Variants in IL17RE observed in about 807,000 individuals in gnomAD.
IL17RE encodes the protein interleukin 17 receptor E.
IL17RE carries 47 observed loss-of-function variants against 70.7 expected under a neutral mutation model. The observed-to-expected ratio is 0.67, with a 90% CI of 0.53 to 0.85. The LOEUF (loss-of-function observed/expected upper bound fraction) is 0.85. Among genes scored for constraint, IL17RE ranks in the 40% least tolerant of loss-of-function variants. The pLI is 0.00. For missense variants in IL17RE, 850 were observed against 893.9 expected (o/e 0.95, Z 0.63); for synonymous variants, 372 against 381.2 (o/e 0.98, Z 0.28).
In IL17RE at chr3:9,904,141, A is replaced by T. The variant is rs768443197; in HGVS notation, c.258A>T (p.Ser86=). 1 of 1,614,134 alleles carries T rather than the reference A, an allele frequency of 6.2e-7. No homozygotes were observed. Among genetic ancestry groups the T allele is most frequent in the South Asian group, 1.1e-5 (1 of 91,076 alleles). The change falls in exon 3 of 16, where the codon TCA becomes TCT. Residue 86 remains serine (S), a synonymous_variant. Transcript: ENST00000383814. ...GCTGTTTGTGCCAGCATCTGCTGTCAGGTGGCTCAGGTATGAGAAACAGCC... is the reference window on the plus strand; with the variant it reads ...GCTGTTTGTGCCAGCATCTGCTGTCTGGTGGCTCAGGTATGAGAAACAGCC... ...CSRCLCQHLL[S]GGSGLQRGLF... is the part of the protein sequence containing the mutation.
At chr3:9,903,843 A>G (rs1431648681) in intron 2 of IL17RE, among the ~76,000 whole-genome samples, 189 bp from the exon 3 acceptor site, 1 of 152,174 alleles carries the variant, frequency 6.6e-6, no homozygotes, top group Non-Finnish European at 1.5e-5. Context: ...ACATTTTCCC[A>G]TACACTACAA....
chr3:9,914,377 C>G, intron 13 of IL17RE, 171 bp from the exon 14 acceptor site: 2 of 1,478,608 alleles, frequency 1.4e-6, no homozygotes, highest in Non-Finnish European at 1.8e-6. Context: ...CTTGAGTTTG[C>G]CACCATTGAC....
chr3:9,915,601 A>G lies in IL17RE; in HGVS notation c.1798A>G (p.Lys600Glu). 2 of 1,423,146 alleles carry G rather than the reference A, an allele frequency of 1.4e-6. No homozygotes were observed. The highest frequency in any genetic ancestry group is 1.8e-6 in the Non-Finnish European group (2 of 1,091,360). 88.2% of individuals were successfully genotyped at this position (1,423,146 alleles called of 1,614,324 possible). Residue 600 changes from lysine (K) to glutamate (E), a missense_variant, in exon 16 of 16, where the codon AAG (lysine) becomes GAG (glutamate). Transcript: ENST00000383814. This position sits in a 1 kb window ranked among gnomAD's most constrained non-coding sequence, Gnocchi z 4.9. ...LLAYFSRLCA[K>E]GDIPPPLRAL... ...CGCTTACTTCAGTCGCCTCTGCGCC[A>G]AGGGCGACATCCCCCCGCCGCTGCG...
rs771769398 is a variant in IL17RE, at chr3:9,915,371, T to G, written c.1568T>G (p.Ile523Ser). The change falls in exon 16 of 16, where the codon ATC (isoleucine) becomes AGC (serine). Residue 523 changes from isoleucine to serine, a missense_variant. Transcript: ENST00000383814. The surrounding 1 kb of genome is among the most constrained non-coding windows in gnomAD (Gnocchi z 4.9). ...RAALGGGRDV[I>S]VDLWEGRHVA... ...GCGCTGGGCGGCGGGCGCGACGTGATCGTGGACCTGTGGGAGGGGAGGCAC... is the reference window on the plus strand; with the variant it reads ...GCGCTGGGCGGCGGGCGCGACGTGAGCGTGGACCTGTGGGAGGGGAGGCAC... The G allele has an allele frequency of 2.2e-6, 3 of 1,366,526 alleles. No individual in the cohort carries two copies. Among genetic ancestry groups the G allele is most frequent in the Non-Finnish European group, 9.3e-7 (1 of 1,069,668 alleles). 84.7% of individuals were successfully genotyped at this position (1,366,526 alleles called of 1,614,324 possible). A position where few individuals can be genotyped will look rare whatever the true frequency, so the allele number is the denominator to read the frequency against.
chr3:9,911,262 T>A lies in IL17RE; in HGVS notation c.1034T>A (p.Phe345Tyr). ...CATTCCTGTATTTCTCAGTTCTCTTTTGGAAACAGCAGCCATGTTGAATGC... is the reference window on the plus strand; with the variant it reads ...CATTCCTGTATTTCTCAGTTCTCTTATGGAAACAGCAGCCATGTTGAATGC... ...LHPQLCFKFSFGNSSHVECPH... is the reference protein window; with the variant it reads ...LHPQLCFKFSYGNSSHVECPH... The change falls in exon 11 of 16, where the codon TTT becomes TAT. Residue 345 changes from phenylalanine to tyrosine, a missense_variant. Transcript: ENST00000383814. 1 of 1,614,200 alleles carries A rather than the reference T, an allele frequency of 6.2e-7. No homozygotes were observed. Among genetic ancestry groups the A allele is most frequent in the South Asian group, 1.1e-5 (1 of 91,088 alleles).
chr3:9,907,645 A>T (rs894010994), intron 6 of IL17RE, among the ~76,000 whole-genome samples: 7 of 152,176 alleles, frequency 4.6e-5, no homozygotes, highest in Non-Finnish European at 1.0e-4. Flanking sequence ...TTAATTAAAA[A>T]TTTAAAAAGC....
chr3:9,903,774 C>T (rs75035518), intron 2 of IL17RE, among the ~76,000 whole-genome samples: 3,400 of 152,324 alleles, frequency 0.022, 53 homozygotes, highest in Non-Finnish European at 0.035. Context: ...TGATCCCTCA[C>T]TTCTATCAGT....
intron 4 of IL17RE, 35 bp downstream of exon 4, chr3:9,906,496 C>A: frequency 6.7e-7 from 1 of 1,492,674 alleles, no homozygotes; most frequent in East Asian, 2.3e-5. Flanking sequence ...CTACCTGACG[C>A]CCCACAGACC....
upstream of IL17RE, chr3:9,902,818 C>A: frequency 6.3e-7 from 1 of 1,584,084 alleles, no homozygotes; most frequent in Non-Finnish European, 8.6e-7. Context: ...GGGGCCAGGG[C>A]AGGCTGGGGC....
rs1453328953 is a variant in IL17RE at position 9,915,355 on chromosome 3, G to A, written c.1552G>A (p.Gly518Ser). 2 of 1,369,000 alleles carry A rather than the reference G, an allele frequency of 1.5e-6. No homozygotes were observed. Among genetic ancestry groups the A allele is most frequent in the Non-Finnish European group, 1.9e-6 (2 of 1,070,328 alleles). 84.8% of individuals were successfully genotyped at this position (1,369,000 alleles called of 1,614,324 possible). The change falls in exon 16 of 16, where the codon GGC becomes AGC. Residue 518 changes from glycine to serine, a missense_variant. Gly to Ser is a moderately conservative substitution (Grantham distance 56, BLOSUM62 0). Coordinates refer to ENST00000383814, the MANE Select transcript of IL17RE (RefSeq NM_153480.2). This position sits in a 1 kb window ranked among gnomAD's most constrained non-coding sequence, Gnocchi z 4.9. ...LAELLRAALG[G>S]GRDVIVDLWE... ...TGAACTGCTACGGGCAGCGCTGGGC[G>A]GCGGGCGCGACGTGATCGTGGACCT...
intron 7 of IL17RE, among the ~76,000 whole-genome samples, chr3:9,908,746 T>A (rs1260798995): frequency 2.0e-5 from 3 of 152,200 alleles, no homozygotes; most frequent in African/African-American, 7.2e-5. Context: ...CAGAAAGTTT[T>A]CTTTGGACTA....
At chr3:9,905,050 GCGC>G (rs1378600131) in intron 3 of IL17RE, among the ~76,000 whole-genome samples, 9 of 131,494 alleles carry the variant, frequency 6.8e-5, no homozygotes, top group Non-Finnish European at 1.4e-4. Context: ...AGTTAAGATA[GCGC>G]CACTGCACTC....
At chr3:9,903,244 A>AC in intron 1 of IL17RE, 153 bp from the exon 2 acceptor site, 1 of 1,009,394 alleles carries the variant, frequency 9.9e-7, no homozygotes, top group Non-Finnish European at 1.5e-6. Flanking sequence ...GACAGGGTGG[A>AC]GCTGGGAAGA....
Position 9,907,066 on chromosome 3 carries a change from A to T in IL17RE, c.632A>T (p.Glu211Val). The change falls in exon 6 of 16, where the codon GAG becomes GTG. Residue 211 changes from glutamate (E) to valine (V), a missense_variant. Glu to Val is a moderately radical substitution (Grantham distance 121). Coordinates refer to ENST00000383814, the MANE Select transcript of IL17RE (RefSeq NM_153480.2). ...SVRLCHQWAL[E>V]CEELSSPYDV... is the part of the protein sequence containing the mutation. ...CGTCTTTGTCACCAGTGGGCACTGG[A>T]GTGTGAAGAGCTGAGCAGTCCCTAT... 3 of 1,614,060 alleles carry T rather than the reference A, an allele frequency of 1.9e-6. No individual in the cohort carries two copies. In the South Asian group the frequency reaches 3.3e-5, roughly 18 times the overall value.
intron 6 of IL17RE, 149 bp from the exon 7 acceptor site, chr3:9,908,090 C>A: frequency 1.5e-6 from 1 of 664,786 alleles, no homozygotes; most frequent in Non-Finnish European, 2.7e-6. Context: ...AGCAGACAAC[C>A]TTTGAGAGAC....
chr3:9,915,337 C>A lies in IL17RE; in HGVS notation c.1534C>A (p.Leu512Ile). The A allele has an allele frequency of 1.4e-6, 2 of 1,388,538 alleles. No homozygotes were observed. Among genetic ancestry groups the A allele is most frequent in the Non-Finnish European group, 1.8e-6 (2 of 1,081,168 alleles). 86.0% of individuals were successfully genotyped at this position (1,388,538 alleles called of 1,614,324 possible). A position where few individuals can be genotyped will look rare whatever the true frequency, so the allele number is the denominator to read the frequency against. The stretch of plus-strand genomic sequence containing the variant: ...CCTGGTGGGAGCGCTGGCTGAACTG[C>A]TACGGGCAGCGCTGGGCGGCGGGCG... ...RRLVGALAEL[L>I]RAALGGGRDV... Residue 512 changes from leucine (L) to isoleucine (I), a missense_variant, in exon 16 of 16, where the codon CTA becomes ATA. Physicochemically the swap from Leu to Ile is conservative, Grantham distance 5 (BLOSUM62 2). Transcript: ENST00000383814. This position sits in a 1 kb window ranked among gnomAD's most constrained non-coding sequence, Gnocchi z 4.9.
chr3:9,910,788 C>T (rs1276613530), intron 8 of IL17RE, 77 bp from the exon 9 acceptor site: 1 of 1,302,240 alleles, frequency 7.7e-7, no homozygotes, highest in African/African-American at 1.5e-5. Flanking sequence ...TTATCTCCAG[C>T]TGCCCCCAGG....
Position 9,906,870 on chromosome 3 carries a change from G to C in IL17RE, c.526+5G>C, listed in dbSNP as rs775111777. ...TGGACTCACAAAGGCATGGAGGTGG[G>C]CACTGGGTACAACAGGAGATGGGTT... On this transcript the variant is annotated splice_donor_5th_base_variant and intron_variant, in intron 5 of 15. Transcript: ENST00000383814. 3 of 1,614,166 alleles carry C rather than the reference G, an allele frequency of 1.9e-6. No homozygotes were observed. In the Admixed American group the frequency reaches 5.0e-5, roughly 27 times the overall value.
In IL17RE at chr3:9,915,487, G is replaced by A; in HGVS notation, c.1684G>A (p.Ala562Thr). Residue 562 changes from alanine (A) to threonine (T), a missense_variant, in exon 16 of 16, where the codon GCC (alanine) becomes ACC (threonine). Coordinates refer to ENST00000383814, the MANE Select transcript of IL17RE (RefSeq NM_153480.2). This position sits in a 1 kb window ranked among gnomAD's most constrained non-coding sequence, Gnocchi z 4.9. Reference sequence around the variant, plus strand: ...CACTGTGCTGCTGCTGTGGAGCGGCGCCGACCTTCGCCCGGTCAGCGGCCC... The same window carrying A: ...CACTGTGCTGCTGCTGTGGAGCGGCACCGACCTTCGCCCGGTCAGCGGCCC... Reference protein sequence around the residue: ...QGTVLLLWSGADLRPVSGPDP... With the variant: ...QGTVLLLWSGTDLRPVSGPDP... 1 of 1,314,168 alleles carries A rather than the reference G, an allele frequency of 7.6e-7. No individual in the cohort carries two copies. Among genetic ancestry groups the A allele is most frequent in the Non-Finnish European group, 9.6e-7 (1 of 1,040,388 alleles). 81.4% of individuals were successfully genotyped at this position (1,314,168 alleles called of 1,614,324 possible). A position where few individuals can be genotyped will look rare whatever the true frequency, so the allele number is the denominator to read the frequency against.
Sources: allele counts gnomAD v4.1 joint callset (sites outside exome capture counted in the v4.1 genomes callset), GRCh38; gene constraint gnomAD v4.1.1; non-coding constraint Gnocchi (gnomAD v3.1); transcripts MANE v1.5; gene names NCBI Gene and HGNC (gene_info 2026-07-23, HGNC 2026-07-21).